BACH2: variants seen among roughly 807,000 people sequenced by gnomAD.
The protein encoded by BACH2 is BACH transcriptional regulator 2.
BACH2 carries 5 observed loss-of-function variants against 61.8 expected under a neutral mutation model. The observed-to-expected ratio is 0.08, with a 90% confidence interval of 0.04 to 0.17. BACH2 has a LOEUF of 0.17. Ranked by LOEUF, BACH2 falls within the 10% of genes least tolerant of loss-of-function variation. BACH2 has a pLI of 1.00. For synonymous variants in BACH2, 446 were observed against 440.1 expected, an observed-to-expected ratio of 1.01 and a Z score of -0.17; for missense variants, 824 against 1,091.1, an observed-to-expected ratio of 0.76 and a Z score of 3.45.
At chr6:90,160,488 T>C (rs570274161) in intron 4 of BACH2, among the ~76,000 whole-genome samples, 13 of 152,330 alleles carry the variant, frequency 8.5e-5, no homozygotes, top group Admixed American at 2.6e-4. Flanking sequence ...TGAATTCTTT[T>C]AAAATGAGGA....
chr6:90,001,184 G>A (rs1777114600), intron 6 of BACH2: 1 of 152,278 alleles, frequency 6.6e-6, no homozygotes, highest in African/African-American at 2.4e-5. Context: ...GTATCATCAA[G>A]TTTTCTCTCT....
chr6:90,004,366 G>A (rs1777293042), intron 6 of BACH2, among the ~76,000 whole-genome samples: 1 of 152,084 alleles, frequency 6.6e-6, no homozygotes, highest in Admixed American at 6.5e-5. Flanking sequence ...TTATACCGAG[G>A]AAAACATAAG....
Position 89,976,420 on chromosome 6 carries a change from T to C in BACH2, c.244-24558A>G, listed in dbSNP as rs147014073. On this transcript the variant is annotated intron_variant, in intron 6 of 8. Coordinates refer to ENST00000257749, the MANE Select transcript of BACH2 (RefSeq NM_021813.4). ...TGCTGCTCTCATTACAGTGGGCTACTAGCAGTCTAAACTCCAAAACAAACT... is the reference window on the plus strand; with the variant it reads ...TGCTGCTCTCATTACAGTGGGCTACCAGCAGTCTAAACTCCAAAACAAACT... Among the ~76,000 whole-genome samples the C allele has an allele frequency of 2.1e-3, 316 of 152,362 alleles. 2 individuals carry two copies. Among genetic ancestry groups the C allele is most frequent in the Middle Eastern group, 6.8e-3 (2 of 294 alleles).
intron 6 of BACH2, among the ~76,000 whole-genome samples, chr6:89,961,070 G>A (rs1442320040): frequency 2.0e-5 from 3 of 151,998 alleles, no homozygotes; most frequent in Non-Finnish European, 4.4e-5. Flanking sequence ...CATATGTGGC[G>A]CTCATAATTT....
At chr6:89,938,111 AG>A (rs1562307647) in intron 8 of BACH2, 32 bp downstream of exon 8, 2 of 1,590,156 alleles carry the variant, frequency 1.3e-6, no homozygotes, top group South Asian at 2.2e-5. Flanking sequence ...TGGTCACTTC[AG>A]GTTGCTGATC....
At chr6:90,241,640 G>A (rs1770455838) in intron 3 of BACH2, among the ~76,000 whole-genome samples, 2 of 152,212 alleles carry the variant, frequency 1.3e-5, no homozygotes, top group Non-Finnish European at 2.9e-5. Flanking sequence ...TAGGGTAGGT[G>A]GAAAAGAGGG....
At chr6:90,011,624 T>C (rs559822403) in intron 5 of BACH2, among the ~76,000 whole-genome samples, 1 of 152,308 alleles carries the variant, frequency 6.6e-6, no homozygotes, top group East Asian at 1.9e-4. Flanking sequence ...CAGGTGTGCA[T>C]CACCGTATCT....
intron 3 of BACH2, among the ~76,000 whole-genome samples, chr6:90,251,281 T>C (rs1358654510): frequency 6.6e-6 from 1 of 152,194 alleles, no homozygotes; most frequent in African/African-American, 2.4e-5. Context: ...ATAATATTCT[T>C]TTCCTTCAAA....
intron 4 of BACH2, among the ~76,000 whole-genome samples, chr6:90,195,553 C>T (rs1582472433): frequency 6.6e-6 from 1 of 152,164 alleles, no homozygotes; most frequent in South Asian, 2.1e-4. Context: ...AGACAGAATT[C>T]GTGATTCAGC....
At chr6:90,007,933 T>C (rs1225114310) in intron 6 of BACH2, among the ~76,000 whole-genome samples, 1 of 152,208 alleles carries the variant, frequency 6.6e-6, no homozygotes, top group Non-Finnish European at 1.5e-5. Flanking sequence ...GTTCAAAGGA[T>C]GACCATTTAA....
intron 5 of BACH2, among the ~76,000 whole-genome samples, chr6:90,014,544 G>A (rs1777950443): frequency 7.4e-6 from 1 of 134,588 alleles, no homozygotes; most frequent in African/African-American, 2.9e-5. Flanking sequence ...TGCAATCTTG[G>A]CTCACTGCAA....
chr6:90,058,197 A>G (rs1780475221), intron 5 of BACH2, among the ~76,000 whole-genome samples: 1 of 152,224 alleles, frequency 6.6e-6, no homozygotes. Context: ...CTCTTTGCAG[A>G]TGACATGACT....
In BACH2 at chr6:89,943,363, AC is replaced by A. The variant is rs542231892; in HGVS notation, c.1837-5014del. 7.2e-5 allele frequency among the ~76,000 whole-genome samples: 11 copies of A among 152,306 alleles called. No homozygotes were observed. The East Asian group carries it at 2.1e-3, about 29-fold the overall frequency. ...CAGCCACGACCATTCTTCAGCCTAA[AC>A]CATCATCCCCTTCCTCCCAGTTAAA... On this transcript the variant is annotated intron_variant, in intron 7 of 8. Coordinates refer to ENST00000257749, the MANE Select transcript of BACH2 (RefSeq NM_021813.4).
At chr6:90,296,414 C>T (rs1772392242) in intron 1 of BACH2, 66 bp downstream of exon 1, 5 of 150,878 alleles carry the variant, frequency 3.3e-5, no homozygotes, top group Admixed American at 1.3e-4. Flanking sequence ...GCGCCCGCTC[C>T]CCCCGCAAAC....
intron 5 of BACH2, among the ~76,000 whole-genome samples, chr6:90,027,713 C>T (rs1778707538): frequency 6.6e-6 from 1 of 152,178 alleles, no homozygotes; most frequent in African/African-American, 2.4e-5. Flanking sequence ...TTCCTAGCTG[C>T]ATGGCTTTGG....
intron 4 of BACH2, among the ~76,000 whole-genome samples, chr6:90,145,712 T>C (rs2127828247): frequency 6.6e-6 from 1 of 152,336 alleles, no homozygotes; most frequent in Middle Eastern, 3.4e-3. Flanking sequence ...TATTATAATA[T>C]GTGAACGCAT....
At chr6:90,270,696 T>C (rs757328671) in intron 2 of BACH2, among the ~76,000 whole-genome samples, 3 of 152,026 alleles carry the variant, frequency 2.0e-5, no homozygotes, top group African/African-American at 7.2e-5. Context: ...CAAAATACTA[T>C]CATCATTCTT....
At position 90,036,240 on chromosome 6, in the gene BACH2, C is replaced by T. The variant is rs1562388870; in HGVS notation, c.-12-27384G>A. On this transcript the variant is annotated intron_variant, in intron 5 of 8. Coordinates refer to ENST00000257749, the MANE Select transcript of BACH2 (RefSeq NM_021813.4). ...CACCACACTAGATATAAATTCCCTT[C>T]ACCTTTTTTCACCTACTTCCTTTTA... Among the ~76,000 whole-genome samples the T allele has an allele frequency of 3.3e-5, 5 of 151,182 alleles. No homozygotes were observed. In the South Asian group the frequency reaches 1.0e-3, roughly 32 times the overall value.
intron 7 of BACH2, among the ~76,000 whole-genome samples, chr6:89,939,845 T>G (rs1773308946): frequency 1.4e-5 from 1 of 71,054 alleles, no homozygotes; most frequent in African/African-American, 4.7e-5. Context: ...TTTTTTTTTT[T>G]GTAGAGATGA....
Sources: allele counts gnomAD v4.1 joint callset (sites outside exome capture counted in the v4.1 genomes callset), GRCh38; gene constraint gnomAD v4.1.1; transcripts MANE v1.5; gene names NCBI Gene and HGNC (gene_info 2026-07-23, HGNC 2026-07-21).